TMPRSS15: variants seen among roughly 807,000 people sequenced by gnomAD.
TMPRSS15 encodes enteropeptidase.
Under a neutral mutation model 125.3 loss-of-function variants are expected in TMPRSS15, and 128 were observed. The observed-to-expected ratio is 1.02, with a 90% CI of 0.89 to 1.18. The LOEUF is 1.18. TMPRSS15 is among the 50% of genes most tolerant of loss of function. TMPRSS15 has a pLI of 0.00. For synonymous variants in TMPRSS15, 446 were observed against 423.2 expected (o/e 1.05, Z -0.66); for missense variants, 1,283 against 1,212.7 (o/e 1.06, Z -0.86).
intron 1 of TMPRSS15, among the ~76,000 whole-genome samples, chr21:18,457,620 C>A (rs1434929389): frequency 6.6e-6 from 1 of 151,990 alleles, no homozygotes; most frequent in Non-Finnish European, 1.5e-5. Flanking sequence ...AGTTTAAAAT[C>A]CTGTAGCAAA....
chr21:18,348,005 G>A (rs1259588339), intron 10 of TMPRSS15, among the ~76,000 whole-genome samples: 1 of 152,126 alleles, frequency 6.6e-6, no homozygotes, highest in Non-Finnish European at 1.5e-5. Context: ...ACAACATAAT[G>A]AGGCCCCATC....
rs539990388 is a variant in TMPRSS15 at position 18,339,469 on chromosome 21, G to GT, written c.1564+1943dup. On this transcript the variant is annotated intron_variant, in intron 13 of 24. Coordinates refer to ENST00000284885, the MANE Select transcript of TMPRSS15 (RefSeq NM_002772.3). ...AAGATTGGAAGCAGAAAAAGATATA[G>GT]TTTTGGAAGTAAACCAAATTTGGAT... Among the ~76,000 whole-genome samples, 315 of 152,256 alleles carry GT rather than the reference G, an allele frequency of 2.1e-3. 2 individuals carry two copies. Among genetic ancestry groups the GT allele is most frequent in the African/African-American group, 7.3e-3 (303 of 41,550 alleles).
At chr21:18,402,770 A>G (rs945798506) in intron 1 of TMPRSS15, among the ~76,000 whole-genome samples, 1 of 152,188 alleles carries the variant, frequency 6.6e-6, no homozygotes, top group African/African-American at 2.4e-5. Flanking sequence ...ATGTGAACTT[A>G]AGCAAGTTAC....
intron 1 of TMPRSS15, among the ~76,000 whole-genome samples, chr21:18,438,762 A>G (rs1170743505): frequency 6.6e-6 from 1 of 152,228 alleles, no homozygotes; most frequent in Non-Finnish European, 1.5e-5. Flanking sequence ...TTATATGCAA[A>G]GTGTATATGC....
upstream of TMPRSS15, among the ~76,000 whole-genome samples, chr21:18,405,372 G>A (rs894736592): frequency 8.5e-5 from 13 of 152,196 alleles, no homozygotes; most frequent in Non-Finnish European, 1.9e-4. Flanking sequence ...CTTTTTTAAA[G>A]AAGGCAATAA....
At chr21:18,448,261 AAATGGAT>A (rs1343536428) in intron 1 of TMPRSS15, among the ~76,000 whole-genome samples, 1 of 152,202 alleles carries the variant, frequency 6.6e-6, no homozygotes, top group Non-Finnish European at 1.5e-5. Context: ...TGCATCAAAC[AAATGGAT>A]TATGACATTG....
chr21:18,463,726 G>T (rs1978598504), intron 1 of TMPRSS15, among the ~76,000 whole-genome samples: 1 of 152,076 alleles, frequency 6.6e-6, no homozygotes, highest in Non-Finnish European at 1.5e-5. Flanking sequence ...AAATGCAAAA[G>T]AATGGAAGTC....
chr21:18,467,477 ATTCTT>A (rs1414473954), intron 1 of TMPRSS15, among the ~76,000 whole-genome samples: 1 of 152,082 alleles, frequency 6.6e-6, no homozygotes, highest in Non-Finnish European at 1.5e-5. Flanking sequence ...ACAAGAATGC[ATTCTT>A]TTGAGTAATA....
At chr21:18,292,490 A>G (rs1043392332) in intron 21 of TMPRSS15, among the ~76,000 whole-genome samples, 1 of 152,122 alleles carries the variant, frequency 6.6e-6, no homozygotes, top group Non-Finnish European at 1.5e-5. Flanking sequence ...TTCTACACAT[A>G]TTTGTTGTTT....
intron 1 of TMPRSS15, among the ~76,000 whole-genome samples, chr21:18,482,125 T>C (rs529827006): frequency 3.3e-5 from 5 of 151,526 alleles, no homozygotes; most frequent in African/African-American, 1.2e-4. Flanking sequence ...ATACTTATTG[T>C]ATTGCTTCAT....
At chr21:18,424,034 A>G (rs1420838941) in intron 1 of TMPRSS15, among the ~76,000 whole-genome samples, 3 of 152,194 alleles carry the variant, frequency 2.0e-5, no homozygotes, top group Non-Finnish European at 2.9e-5. Context: ...TCAGCCTGGC[A>G]TCAATAATTT....
At chr21:18,355,024 C>T (rs2075610579) in intron 8 of TMPRSS15, among the ~76,000 whole-genome samples, 1 of 151,796 alleles carries the variant, frequency 6.6e-6, no homozygotes, top group South Asian at 2.1e-4. Flanking sequence ...CATGAACAAG[C>T]ATTGATTCAC....
chr21:18,397,504 A>T lies in TMPRSS15; in HGVS notation c.344+375T>A, dbSNP rs116205624. Among the ~76,000 whole-genome samples, 427 of 152,228 alleles carry T rather than the reference A, an allele frequency of 2.8e-3. 2 individuals carry two copies. The highest frequency in any genetic ancestry group is 9.9e-3 in the African/African-American group (411 of 41,560). ...ATGCCCTCTGGGTACACAGTGGACA[A>T]GTACCTTCTCTCTAGGTATTTATAG... On this transcript the variant is annotated intron_variant, in intron 3 of 24. Coordinates refer to ENST00000284885, the MANE Select transcript of TMPRSS15 (RefSeq NM_002772.3).
At chr21:18,369,785 C>A (rs1188613584) in intron 6 of TMPRSS15, among the ~76,000 whole-genome samples, 1 of 151,958 alleles carries the variant, frequency 6.6e-6, no homozygotes, top group Non-Finnish European at 1.5e-5. Flanking sequence ...GAAGTTTGAG[C>A]TGGTGCTGAA....
intron 1 of TMPRSS15, among the ~76,000 whole-genome samples, chr21:18,477,069 C>T (rs983951309): frequency 6.6e-6 from 1 of 152,066 alleles, no homozygotes; most frequent in African/African-American, 2.4e-5. Context: ...ATCTGACTTG[C>T]AGAGTAATGA....
chr21:18,331,406 G>T (rs1392988517), intron 14 of TMPRSS15, among the ~76,000 whole-genome samples: 2 of 152,174 alleles, frequency 1.3e-5, no homozygotes, highest in African/African-American at 4.8e-5. Flanking sequence ...ACCTTTGTAG[G>T]ATGGGCTAGG....
At chr21:18,396,417 G>A (rs1301463361) in intron 3 of TMPRSS15, among the ~76,000 whole-genome samples, 1 of 152,038 alleles carries the variant, frequency 6.6e-6, no homozygotes, top group African/African-American at 2.4e-5. Flanking sequence ...CCTCGGTGTC[G>A]TAGTTATTTA....
intron 5 of TMPRSS15, among the ~76,000 whole-genome samples, chr21:18,373,178 C>A (rs1281971530): frequency 6.6e-6 from 1 of 151,906 alleles, no homozygotes; most frequent in Non-Finnish European, 1.5e-5. Context: ...ATATGAAAAT[C>A]TGAAATTTCT....
intron 1 of TMPRSS15, among the ~76,000 whole-genome samples, chr21:18,483,536 C>G (rs1004584054): frequency 2.0e-5 from 3 of 151,734 alleles, no homozygotes; most frequent in African/African-American, 7.3e-5. Flanking sequence ...TTTTTATTGG[C>G]AAACCTGTAA....
Sources: allele counts gnomAD v4.1 joint callset (sites outside exome capture counted in the v4.1 genomes callset), GRCh38; gene constraint gnomAD v4.1.1; transcripts MANE v1.5; gene names NCBI Gene and HGNC (gene_info 2026-07-23, HGNC 2026-07-21).